The following HMGN3 variants were observed in gnomAD, a reference collection of about 807,000 sequenced individuals.
HMGN3 encodes the protein high mobility group nucleosome-binding domain-containing protein 3.
HMGN3 carries 6 observed loss-of-function variants against 18.8 expected under a neutral mutation model. The ratio of observed to expected loss-of-function variants is 0.32; its 90% CI spans 0.18 to 0.63. The LOEUF is 0.63. HMGN3 is among the 30% of genes least tolerant of loss of function. HMGN3 has a pLI of 0.79. For synonymous variants in HMGN3, 40 were observed against 36.5 expected (o/e 1.10, Z -0.35); for missense variants, 107 against 114.2 (o/e 0.94, Z 0.29).
chr6:79,214,894 T>C (rs1329064301), intron 2 of HMGN3, 78 bp downstream of exon 2: 1 of 826,930 alleles, frequency 1.2e-6, no homozygotes, highest in African/African-American at 1.8e-5. Context: ...CCGCATTTCA[T>C]TCAGATGCAG....
At chr6:79,234,118 C>T (rs1207308506) in intron 1 of HMGN3, 1 of 161,900 alleles carries the variant, frequency 6.2e-6, no homozygotes, top group Non-Finnish European at 1.3e-5. Flanking sequence ...GGAATAATCC[C>T]AACATTTGCC....
chr6:79,213,143 GATGGGAGAATCACTT>G (rs1273761383), intron 2 of HMGN3, among the ~76,000 whole-genome samples: 2,631 of 152,184 alleles, frequency 0.017, 91 homozygotes, highest in African/African-American at 0.06. Flanking sequence ...TGGAGGCTGA[GATGGGAGAATCACTT>G]GAGCCAGGGA....
Position 79,225,318 on chromosome 6 carries a change from A to G in HMGN3, c.15+9228T>C, listed in dbSNP as rs369269970. Among the ~76,000 whole-genome samples, 64 of 152,324 alleles carry G rather than the reference A, an allele frequency of 4.2e-4. 2 individuals carry two copies. In the South Asian group the frequency reaches 0.012, roughly 29 times the overall value. On this transcript the variant is annotated intron_variant, in intron 1 of 5. Coordinates refer to ENST00000344726, the Ensembl canonical transcript of HMGN3. ...CATTGTATGGGGTCAAAATAATCAA[A>G]ATATAATTTTAAAATATCACTTGTA...
exon 6 of HMGN3, chr6:79,201,652 A>G (rs2127808175): frequency 7.4e-7 from 1 of 1,354,102 alleles, no homozygotes; most frequent in Non-Finnish European, 1.1e-6. Context: ...TTGTCCCAAG[A>G]GATACATAAA....
At chr6:79,210,274 C>T (rs1012733181) in intron 2 of HMGN3, among the ~76,000 whole-genome samples, 4 of 152,092 alleles carry the variant, frequency 2.6e-5, no homozygotes, top group African/African-American at 9.7e-5. Context: ...GAGCAAAGAG[C>T]ACCTTCCAAT....
intron 3 of HMGN3, among the ~76,000 whole-genome samples, chr6:79,204,758 G>T (rs1330358255): frequency 6.6e-6 from 1 of 152,162 alleles, no homozygotes. Flanking sequence ...TTGGCTGTTA[G>T]AAATGACCTT....
chr6:79,229,864 C>A (rs1777755756), intron 1 of HMGN3, among the ~76,000 whole-genome samples: 1 of 152,080 alleles, frequency 6.6e-6, no homozygotes, highest in Admixed American at 6.5e-5. Flanking sequence ...GGCGACTGAG[C>A]CAGACTCCGC....
chr6:79,229,126 A>C (rs895176850), intron 1 of HMGN3, among the ~76,000 whole-genome samples: 2 of 152,262 alleles, frequency 1.3e-5, no homozygotes, highest in African/African-American at 4.8e-5. Flanking sequence ...AAGAGTTAAA[A>C]GTATAAAACC....
intron 1 of HMGN3, among the ~76,000 whole-genome samples, chr6:79,227,009 C>T (rs1464843473): frequency 1.3e-5 from 2 of 152,116 alleles, no homozygotes. Flanking sequence ...TTGTTAACTT[C>T]GACAGTGATT....
chr6:79,227,225 G>A (rs1158570901), intron 1 of HMGN3, among the ~76,000 whole-genome samples: 11 of 152,032 alleles, frequency 7.2e-5, no homozygotes, highest in Non-Finnish European at 1.3e-4. Context: ...ATCTTCCAAG[G>A]GAATTTTAAC....
intron 1 of HMGN3, among the ~76,000 whole-genome samples, chr6:79,225,657 G>A (rs964997987): frequency 6.6e-6 from 1 of 152,144 alleles, no homozygotes; most frequent in African/African-American, 2.4e-5. Flanking sequence ...CATGGAAGTA[G>A]CAAATCCAGC....
At chr6:79,225,606 C>T (rs1777526783) in intron 1 of HMGN3, among the ~76,000 whole-genome samples, 1 of 152,148 alleles carries the variant, frequency 6.6e-6, no homozygotes, top group Non-Finnish European at 1.5e-5. Context: ...AGGGAGTATT[C>T]CCATTATTCT....
intron 3 of HMGN3, among the ~76,000 whole-genome samples, chr6:79,207,740 G>A (rs950405036): frequency 6.6e-6 from 1 of 152,146 alleles, no homozygotes; most frequent in African/African-American, 2.4e-5. Context: ...TTTGGGTTGA[G>A]AATGAAATCC....
chr6:79,202,196 C>T (rs1300105236), intron 5 of HMGN3, 41 bp from the exon 6 acceptor site: 11 of 1,609,352 alleles, frequency 6.8e-6, no homozygotes, highest in Middle Eastern at 1.6e-4. Flanking sequence ...ACATTAAGAA[C>T]GTGCTATCAC....
intron 3 of HMGN3, 32 bp from the exon 4 acceptor site, chr6:79,203,662 G>T: frequency 4.7e-6 from 5 of 1,059,122 alleles, no homozygotes; most frequent in Non-Finnish European, 5.5e-6. Flanking sequence ...CACAAATACT[G>T]AAAAAAAAAA....
intron 2 of HMGN3, 149 bp downstream of exon 2, chr6:79,214,823 G>A (rs1157983464): frequency 1.7e-5 from 10 of 587,338 alleles, no homozygotes; most frequent in Admixed American, 7.1e-5. Context: ...GACACTTATC[G>A]CTCTTTCAGG....
At chr6:79,229,671 A>T (rs1342572863) in intron 1 of HMGN3, among the ~76,000 whole-genome samples, 1 of 152,124 alleles carries the variant, frequency 6.6e-6, no homozygotes, top group Non-Finnish European at 1.5e-5. Flanking sequence ...AGGTCAGGAG[A>T]TCAAGACCAT....
chr6:79,203,324 G>C (rs1042869994), intron 4 of HMGN3, among the ~76,000 whole-genome samples: 2 of 152,166 alleles, frequency 1.3e-5, no homozygotes, highest in Non-Finnish European at 2.9e-5. Context: ...TGTTCACGAG[G>C]CTGCTGCCAA....
intron 2 of HMGN3, among the ~76,000 whole-genome samples, chr6:79,214,580 G>C (rs1227033696): frequency 2.0e-5 from 3 of 152,176 alleles, no homozygotes; most frequent in Non-Finnish European, 2.9e-5. Context: ...CCACTCACTG[G>C]AGCACAGAAT....
Sources: gnomAD v4.1 joint callset for allele counts (sites outside exome capture counted in the v4.1 genomes callset) on GRCh38, gnomAD v4.1.1 for gene constraint, MANE v1.5 for transcripts, NCBI Gene and HGNC (gene_info 2026-07-23, HGNC 2026-07-21) for gene names.